RSBN1L: variants seen among roughly 807,000 people sequenced by gnomAD.
The protein encoded by RSBN1L is round spermatid basic protein 1 like.
A neutral mutation model predicts 67.7 loss-of-function variants in RSBN1L; 30 were observed. The observed-to-expected ratio is 0.44, with a 90% confidence interval of 0.33 to 0.60. RSBN1L has a LOEUF of 0.60. RSBN1L is among the 20% of genes least tolerant of loss of function. RSBN1L has a pLI of 0.02. For synonymous variants in RSBN1L, 433 were observed against 387.0 expected, an observed-to-expected ratio of 1.12 and a Z score of -1.39; for missense variants, 992 against 1,031.7, an observed-to-expected ratio of 0.96 and a Z score of 0.53.
chr7:77,779,836 T>C lies in RSBN1L; in HGVS notation c.*668T>C, dbSNP rs1045228018. On this transcript the variant is annotated 3_prime_UTR_variant, in exon 8 of 8. Coordinates refer to ENST00000334955, the MANE Select transcript of RSBN1L (RefSeq NM_198467.3). ...GCAGGCTTTTTTTTTTTTTTCTTTT[T>C]TTCTTTTTTTTGATACGGAGTTTCA... 5 of 151,766 alleles carry C rather than the reference T, an allele frequency of 3.3e-5. No homozygotes were observed. The highest frequency in any genetic ancestry group is 5.9e-5 in the Non-Finnish European group (4 of 67,924). The allele number at this position is 151,766 out of a possible 1,614,324, so 9.4% of individuals were successfully genotyped here. A position where few individuals can be genotyped will look rare whatever the true frequency, so the allele number is the denominator to read the frequency against.
intron 2 of RSBN1L, among the ~76,000 whole-genome samples, chr7:77,743,346 C>G (rs1306490927): frequency 6.6e-6 from 1 of 152,090 alleles, no homozygotes; most frequent in African/African-American, 2.4e-5. Context: ...TGCCTGTAAT[C>G]CCAGCACTTT....
At chr7:77,726,560 C>G (rs1211708747) in intron 1 of RSBN1L, among the ~76,000 whole-genome samples, 1 of 151,786 alleles carries the variant, frequency 6.6e-6, no homozygotes, top group African/African-American at 2.4e-5. Flanking sequence ...AAGAAGTGTC[C>G]CTAGCTTTCC....
chr7:77,776,444 A>C (rs1416737538), intron 6 of RSBN1L, among the ~76,000 whole-genome samples: 1 of 152,218 alleles, frequency 6.6e-6, no homozygotes, highest in Non-Finnish European at 1.5e-5. Flanking sequence ...CCATCCTGCC[A>C]GCCCTAGGCA....
At chr7:77,709,148 CTGTTTGTG>C (rs1202419521) in intron 1 of RSBN1L, among the ~76,000 whole-genome samples, 2 of 113,010 alleles carry the variant, frequency 1.8e-5, no homozygotes, top group Non-Finnish European at 3.6e-5. Flanking sequence ...AGAAGGGATT[CTGTTTGTG>C]TGTGTGTGTG....
At chr7:77,739,140 T>TGTG (rs2150421813) in intron 2 of RSBN1L, among the ~76,000 whole-genome samples, 1 of 152,294 alleles carries the variant, frequency 6.6e-6, no homozygotes, top group South Asian at 2.1e-4. Flanking sequence ...CAAGTGAGCC[T>TGTG]GTGGTGGTGG....
chr7:77,769,736 G>C (rs1055727322), intron 5 of RSBN1L, among the ~76,000 whole-genome samples: 6 of 152,048 alleles, frequency 3.9e-5, no homozygotes, highest in Non-Finnish European at 7.4e-5. Flanking sequence ...AATAACCTCA[G>C]GTAGTTAAGT....
chr7:77,708,558 A>G (rs1790925981), intron 1 of RSBN1L, among the ~76,000 whole-genome samples: 1 of 151,318 alleles, frequency 6.6e-6, no homozygotes, highest in Non-Finnish European at 1.5e-5. Context: ...ATTTTTTTGT[A>G]TTTTTAGTAG....
intron 1 of RSBN1L, among the ~76,000 whole-genome samples, chr7:77,730,917 TAA>T (rs1200079983): frequency 6.6e-6 from 1 of 152,196 alleles, no homozygotes; most frequent in Non-Finnish European, 1.5e-5. Context: ...GAACATATGA[TAA>T]GAGTATATTT....
At chr7:77,740,419 C>T (rs1291286630) in intron 2 of RSBN1L, among the ~76,000 whole-genome samples, 1 of 152,084 alleles carries the variant, frequency 6.6e-6, no homozygotes, top group African/African-American at 2.4e-5. Context: ...TTGAAAGAAG[C>T]CAGTGTCCAA....
intron 4 of RSBN1L, among the ~76,000 whole-genome samples, chr7:77,767,013 TCCTTCC>T (rs1208441492): frequency 6.1e-5 from 9 of 147,600 alleles, no homozygotes; most frequent in Admixed American, 1.3e-4. Flanking sequence ...TCCTTTCCTT[TCCTTCC>T]CCTTCCCCTT....
chr7:77,746,999 A>G (rs1791492689), intron 2 of RSBN1L, among the ~76,000 whole-genome samples: 2 of 152,062 alleles, frequency 1.3e-5, no homozygotes, highest in Admixed American at 6.6e-5. Flanking sequence ...AAGGGCTGGT[A>G]TTGAGGGCTT....
chr7:77,720,517 C>A (rs1584280556), intron 1 of RSBN1L, among the ~76,000 whole-genome samples: 1 of 152,044 alleles, frequency 6.6e-6, no homozygotes, highest in African/African-American at 2.4e-5. Flanking sequence ...TGAGATCGTG[C>A]CATTGCACTC....
At chr7:77,745,262 CA>C (rs372240966) in intron 2 of RSBN1L, among the ~76,000 whole-genome samples, 11,519 of 74,778 alleles carry the variant, frequency 0.15, 444 homozygotes, top group Middle Eastern at 0.28. Flanking sequence ...AACTCCGTCT[CA>C]AAAAAAAAAA....
intron 6 of RSBN1L, among the ~76,000 whole-genome samples, chr7:77,774,308 C>G (rs746483701): frequency 3.3e-5 from 5 of 152,070 alleles, no homozygotes; most frequent in Non-Finnish European, 5.9e-5. Context: ...ATTTTGCGGC[C>G]AGGTGTGATG....
At chr7:77,748,664 T>C (rs1791515043) in intron 2 of RSBN1L, among the ~76,000 whole-genome samples, 1 of 151,984 alleles carries the variant, frequency 6.6e-6, no homozygotes, top group South Asian at 2.1e-4. Flanking sequence ...TTTGTGTTTT[T>C]AGTAGAGATG....
chr7:77,756,139 AT>A lies in RSBN1L; in HGVS notation c.1344+6085del, dbSNP rs1037441605. On this transcript the variant is annotated intron_variant, in intron 3 of 7. Transcript: ENST00000334955. Reference sequence around the variant, plus strand: ...GTGCAAATCTGACTTTTATTTTTTTATTTTTTTTTTGAGACAGAGTCTAGCT... The same window carrying A: ...GTGCAAATCTGACTTTTATTTTTTTATTTTTTTTTGAGACAGAGTCTAGCT... Among the ~76,000 whole-genome samples, 990 of 149,622 alleles carry A rather than the reference AT, an allele frequency of 6.6e-3. 15 individuals are homozygous for A. The highest frequency in any genetic ancestry group is 0.022 in the African/African-American group (917 of 40,836).
At chr7:77,761,450 C>T (rs1184815804) in intron 3 of RSBN1L, among the ~76,000 whole-genome samples, 1 of 152,178 alleles carries the variant, frequency 6.6e-6, no homozygotes, top group Non-Finnish European at 1.5e-5. Context: ...TTGAGTTCTT[C>T]GCAGTCTGGC....
At chr7:77,742,128 G>A (rs372546047) in intron 2 of RSBN1L, among the ~76,000 whole-genome samples, 2 of 145,486 alleles carry the variant, frequency 1.4e-5, no homozygotes, top group African/African-American at 2.6e-5. Context: ...CTGGGAGTAC[G>A]AGACCAGCCT....
At chr7:77,753,946 C>T (rs886250104) in intron 3 of RSBN1L, among the ~76,000 whole-genome samples, 2 of 152,170 alleles carry the variant, frequency 1.3e-5, no homozygotes, top group Admixed American at 1.3e-4. Context: ...TCACCTTAAA[C>T]CAGCTAATCA....
Sources: allele counts gnomAD v4.1 joint callset (sites outside exome capture counted in the v4.1 genomes callset), GRCh38; gene constraint gnomAD v4.1.1; transcripts MANE v1.5; gene names NCBI Gene and HGNC (gene_info 2026-07-23, HGNC 2026-07-21).